The following TENM4 variants were observed in gnomAD, a reference collection of about 807,000 sequenced individuals.
The protein encoded by TENM4 is teneurin-4.
A neutral mutation model predicts 243.3 loss-of-function variants in TENM4; 82 were observed. That is an observed-to-expected ratio of 0.34 (90% CI 0.28 to 0.40). The LOEUF (loss-of-function observed/expected upper bound fraction) is 0.40. TENM4 is among the 10% of genes least tolerant of loss of function. The pLI, the probability that TENM4 is intolerant of heterozygous loss-of-function variation, is 1.00. For missense variants in TENM4, 3,138 were observed against 3,673.3 expected (o/e 0.85, Z 3.77); for synonymous variants, 1,412 against 1,456.3 (o/e 0.97, Z 0.69).
rs1857624651 is a variant in TENM4, at chr11:79,363,464, T to C, written c.-320-65921A>G. On this transcript the variant is annotated intron_variant, in intron 1 of 33. Transcript: ENST00000278550. The stretch of plus-strand genomic sequence containing the variant: ...ATTTGACTAACCTGAGTTTGACTTG[T>C]GGCTGTGCCACTTCCCAGCTGTGTG... 3.3e-5 allele frequency among the ~76,000 whole-genome samples: 5 copies of C among 152,384 alleles called. No homozygotes were observed. In the South Asian group the frequency reaches 8.3e-4, roughly 25 times the overall value.
At chr11:79,125,960 C>T (rs1381612234) in intron 4 of TENM4, among the ~76,000 whole-genome samples, 10 of 152,110 alleles carry the variant, frequency 6.6e-5, no homozygotes, top group South Asian at 4.1e-4. Context: ...ATCTGGAGAA[C>T]AGGCATGGGA....
At chr11:79,180,264 T>C (rs1333030765) in intron 3 of TENM4, among the ~76,000 whole-genome samples, 1 of 151,656 alleles carries the variant, frequency 6.6e-6, no homozygotes, top group Non-Finnish European at 1.5e-5. Flanking sequence ...CTCTCAAGTG[T>C]CTGAGTGTGG....
chr11:79,009,937 T>C (rs1858598749), intron 6 of TENM4, among the ~76,000 whole-genome samples: 1 of 152,186 alleles, frequency 6.6e-6, no homozygotes, highest in Admixed American at 6.5e-5. Flanking sequence ...GTTTTTCTCA[T>C]GCTGTTCTTG....
chr11:79,306,964 G>A (rs1344706857), intron 1 of TENM4, among the ~76,000 whole-genome samples: 6 of 152,226 alleles, frequency 3.9e-5, no homozygotes, highest in Non-Finnish European at 5.9e-5. Flanking sequence ...ATTTTATTTC[G>A]TAAGGGAGAA....
intron 3 of TENM4, among the ~76,000 whole-genome samples, chr11:79,214,657 C>T (rs1162404647): frequency 6.6e-6 from 1 of 152,188 alleles, no homozygotes; most frequent in African/African-American, 2.4e-5. Context: ...CATGTCTTCC[C>T]ACACCTCCTG....
rs1424560038 is a variant in TENM4, at chr11:79,127,393, G to A, written c.-66+21317C>T. 3.4e-5 allele frequency among the ~76,000 whole-genome samples: 5 copies of A among 148,924 alleles called. No homozygotes were observed. In the South Asian group the frequency reaches 1.0e-3, roughly 31 times the overall value. Reference sequence around the variant, plus strand: ...TCTTGGAGAATAATAGTGGATTATTGTAAACTTAACCAAGTAGTGACTCCA... The same window carrying A: ...TCTTGGAGAATAATAGTGGATTATTATAAACTTAACCAAGTAGTGACTCCA... On this transcript the variant is annotated intron_variant, in intron 4 of 33. Transcript: ENST00000278550.
intron 2 of TENM4, among the ~76,000 whole-genome samples, chr11:79,281,626 G>A (rs1856158696): frequency 6.6e-6 from 1 of 152,112 alleles, no homozygotes; most frequent in African/African-American, 2.4e-5. Context: ...TAGGGCCATG[G>A]AGGGAAAATA....
intron 1 of TENM4, among the ~76,000 whole-genome samples, chr11:79,360,551 G>C (rs1026958302): frequency 1.3e-5 from 2 of 152,108 alleles, no homozygotes; most frequent in African/African-American, 4.8e-5. Context: ...CAAAATCAAG[G>C]ATATAAAATC....
chr11:78,827,851 A>G (rs1450504963), intron 12 of TENM4, among the ~76,000 whole-genome samples: 1 of 152,174 alleles, frequency 6.6e-6, no homozygotes, highest in Non-Finnish European at 1.5e-5. Context: ...AGCAAGATAG[A>G]GCTCTCATTT....
At chr11:79,091,611 C>T (rs58979379) in intron 4 of TENM4, among the ~76,000 whole-genome samples, 30,814 of 151,940 alleles carry the variant, frequency 0.2, 3,265 homozygotes, top group East Asian at 0.25. Context: ...CATTACTATG[C>T]TTGTTAAAAA....
chr11:79,008,438 T>C (rs999497806), intron 6 of TENM4, among the ~76,000 whole-genome samples: 1 of 152,246 alleles, frequency 6.6e-6, no homozygotes, highest in African/African-American at 2.4e-5. Flanking sequence ...TGAACTGTAG[T>C]GACATCATTC....
intron 16 of TENM4, among the ~76,000 whole-genome samples, chr11:78,784,464 C>T (rs10899571): frequency 0.16 from 24,036 of 152,032 alleles, 2,055 homozygotes; most frequent in East Asian, 0.38. Flanking sequence ...CAGAGACCCA[C>T]AGAGAGAAGG....
intron 1 of TENM4, among the ~76,000 whole-genome samples, chr11:79,312,399 T>C (rs906862639): frequency 2.0e-5 from 3 of 152,248 alleles, no homozygotes; most frequent in African/African-American, 4.8e-5. Context: ...CCAGGCATTA[T>C]TGCAAATGCT....
Position 79,402,630 on chromosome 11 carries a change from A to AC in TENM4, c.-321+37878dup, listed in dbSNP as rs199502017. Among the ~76,000 whole-genome samples, 245 of 151,596 alleles carry AC rather than the reference A, an allele frequency of 1.6e-3. 1 individual carries two copies. Among genetic ancestry groups the AC allele is most frequent in the African/African-American group, 5.8e-3 (238 of 41,290 alleles). ...GGAGTGTGTTTCTGAGGTCTGATCC[A>AC]CCCCCTCCCACTCTCCTCTCTTCCC... On this transcript the variant is annotated intron_variant, in intron 1 of 33. Coordinates refer to ENST00000278550, the MANE Select transcript of TENM4 (RefSeq NM_001098816.3).
At chr11:79,169,478 T>G in intron 3 of TENM4, among the ~76,000 whole-genome samples, 2 of 152,114 alleles carry the variant, frequency 1.3e-5, no homozygotes, top group Non-Finnish European at 2.9e-5. Flanking sequence ...TTGGAATCCT[T>G]CCTCTTCCCC....
At chr11:79,386,917 A>G (rs1565325389) in intron 1 of TENM4, among the ~76,000 whole-genome samples, 1 of 152,266 alleles carries the variant, frequency 6.6e-6, no homozygotes, top group East Asian at 1.9e-4. Flanking sequence ...ACTCCACCCC[A>G]AGACCAAATT....
At chr11:79,417,324 CT>C (rs1858838370) in intron 1 of TENM4, among the ~76,000 whole-genome samples, 1 of 152,192 alleles carries the variant, frequency 6.6e-6, no homozygotes, top group East Asian at 1.9e-4. Flanking sequence ...CAGCCAGCCT[CT>C]TTGGACTTCA....
chr11:78,720,299 CAT>C (rs1347073940), intron 25 of TENM4, 69 bp downstream of exon 25: 1 of 1,546,942 alleles, frequency 6.5e-7, no homozygotes, highest in Non-Finnish European at 8.9e-7. Flanking sequence ...TTGAAATTGA[CAT>C]GTGCAGCTTA....
rs780364953 is a variant in TENM4 at position 78,702,157 on chromosome 11, T to C, written c.4456A>G (p.Thr1486Ala). ...SHNGVLYIAE[T>A]DEKKINRIRQ... is the part of the protein sequence containing the mutation. ...ATGCGGTTGATCTTTTTCTCATCAG[T>C]CTCAGCAATATACAGGACCCCATTG... Residue 1486 changes from threonine to alanine, a missense_variant, in exon 28 of 34, where the codon ACT (threonine) becomes GCT (alanine). Thr to Ala is a moderately conservative substitution (Grantham distance 58, BLOSUM62 0). Transcript: ENST00000278550. The C allele has an allele frequency of 1.2e-6, 2 of 1,613,806 alleles. No homozygotes were observed. The highest frequency in any genetic ancestry group is 2.7e-5 in the African/African-American group (2 of 74,904).
Sources: allele counts gnomAD v4.1 joint callset (sites outside exome capture counted in the v4.1 genomes callset), GRCh38; gene constraint gnomAD v4.1.1; transcripts MANE v1.5; gene names NCBI Gene and HGNC (gene_info 2026-07-23, HGNC 2026-07-21).